YEATS2: variants seen among roughly 807,000 people sequenced by gnomAD.
YEATS2 encodes the protein YEATS domain-containing protein 2.
YEATS2 carries 77 observed loss-of-function variants against 163.2 expected under a neutral mutation model. The ratio of observed to expected loss-of-function variants is 0.47; its 90% confidence interval spans 0.39 to 0.57. YEATS2 has a LOEUF of 0.57. Among genes scored for constraint, YEATS2 ranks in the 20% least tolerant of loss-of-function variants. The pLI, the probability that YEATS2 is intolerant of heterozygous loss-of-function variation, is 0.00. For synonymous variants in YEATS2, 631 were observed against 645.1 expected (o/e 0.98, Z 0.33); for missense variants, 1,549 against 1,729.8 (o/e 0.90, Z 1.85).
intron 28 of YEATS2, 101 bp downstream of exon 28, chr3:183,807,193 A>G: frequency 3.7e-6 from 4 of 1,075,792 alleles, no homozygotes; most frequent in Non-Finnish European, 5.4e-6. Flanking sequence ...TCAGCCTCAC[A>G]GACACAGACT....
intron 25 of YEATS2, chr3:183,802,519 A>ATATATATATACACGTG (rs1445504854): frequency 1.6e-5 from 1 of 62,358 alleles, no homozygotes; most frequent in African/African-American, 4.5e-5. Flanking sequence ...GTATACATGT[A>ATATATATATACACGTG]TATATATATA....
intron 9 of YEATS2, among the ~76,000 whole-genome samples, chr3:183,751,531 A>G (rs1237099890): frequency 6.6e-6 from 1 of 152,234 alleles, no homozygotes; most frequent in Non-Finnish European, 1.5e-5. Flanking sequence ...GGTGCTGGGA[A>G]TACAGAAATG....
At chr3:183,710,589 C>T (rs952529333) in intron 1 of YEATS2, among the ~76,000 whole-genome samples, 8 of 152,166 alleles carry the variant, frequency 5.3e-5, no homozygotes, top group African/African-American at 1.9e-4. Context: ...ATCTTGGCAG[C>T]ACAAATGAAC....
chr3:183,725,064 T>TTA (rs1553861058), intron 6 of YEATS2, among the ~76,000 whole-genome samples: 7 of 132,598 alleles, frequency 5.3e-5, no homozygotes, highest in Non-Finnish European at 1.1e-4. Flanking sequence ...TTTTTTTTTT[T>TTA]ATCGTTTTAT....
rs1227991605 is a variant in YEATS2, at chr3:183,748,243, C to CTCCCCT, written c.969+534_969+539dup. 1.3e-3 allele frequency among the ~76,000 whole-genome samples: 193 copies of CTCCCCT among 149,736 alleles called. 1 individual carries two copies. Among genetic ancestry groups the CTCCCCT allele is most frequent in the African/African-American group, 4.2e-3 (170 of 40,698 alleles). ...TTCCCTTTCCCCTTCCCCTTGTCCC[C>CTCCCCT]TCCCCTTCCCCTCCTTTTTTTTTTT... On this transcript the variant is annotated intron_variant, in intron 9 of 30. Transcript: ENST00000305135.
chr3:183,763,470 T>C (rs940609678), intron 15 of YEATS2, among the ~76,000 whole-genome samples: 2 of 152,226 alleles, frequency 1.3e-5, no homozygotes, highest in South Asian at 4.1e-4. Flanking sequence ...GGTATCAATA[T>C]TGAGTGCTTT....
chr3:183,716,733 A>G (rs1489970280), intron 2 of YEATS2, among the ~76,000 whole-genome samples: 3 of 152,098 alleles, frequency 2.0e-5, no homozygotes, highest in Admixed American at 2.0e-4. Context: ...AAGTTCCAAA[A>G]TACCCCCTTT....
intron 15 of YEATS2, among the ~76,000 whole-genome samples, chr3:183,763,804 C>G (rs1030587201): frequency 6.6e-6 from 1 of 152,012 alleles, no homozygotes; most frequent in Non-Finnish European, 1.5e-5. Flanking sequence ...GTGGCTCACA[C>G]CTGTGAGCCA....
intron 20 of YEATS2, among the ~76,000 whole-genome samples, chr3:183,789,894 T>A (rs1056729660): frequency 1.2e-4 from 18 of 152,156 alleles, no homozygotes; most frequent in African/African-American, 4.1e-4. Context: ...TATTCTTTTT[T>A]ATGTAAATAT....
intron 14 of YEATS2, 145 bp from the exon 15 acceptor site, chr3:183,761,951 AT>A: frequency 9.1e-7 from 1 of 1,104,152 alleles, no homozygotes; most frequent in Non-Finnish European, 1.3e-6. Flanking sequence ...CAGTATGTAT[AT>A]TTACCCTTCT....
In YEATS2 at chr3:183,772,359, GC is replaced by G. The variant is rs1722561996; in HGVS notation, c.2003del (p.Ala668GlyfsTer9). ...ACCTTCAACAGTGAAGCAGGCTGTG[GC>G]GATCAGTGGTGGCCAGATCCTGGTA... ...ALPSTVKQAV[A>X]ISGGQILVAK... On this transcript the variant is annotated frameshift_variant, in exon 16 of 31. Transcript: ENST00000305135. LOFTEE classifies it high-confidence loss of function. 2 of 1,614,084 alleles carry G rather than the reference GC, an allele frequency of 1.2e-6. No individual in the cohort carries two copies. The highest frequency in any genetic ancestry group is 1.7e-6 in the Non-Finnish European group (2 of 1,180,054).
Position 183,752,074 on chromosome 3 carries a change from T to C in YEATS2, c.971T>C (p.Val324Ala), listed in dbSNP as rs1157365370. The part of the protein sequence containing the change: ...TGLQTLGAET[V>A]VDVELHRHSL... ...CCTGATTGTTGCCCAATTGTCTAGG[T>C]AGTGGATGTTGAACTCCATCGCCAT... The change falls in exon 10 of 31, where the codon GTA (valine) becomes GCA (alanine). Residue 324 changes from valine to alanine, a missense_variant and splice_region_variant. Coordinates refer to ENST00000305135, the MANE Select transcript of YEATS2 (RefSeq NM_018023.5). The C allele has an allele frequency of 6.2e-7, 1 of 1,614,034 alleles. No homozygotes were observed. The highest frequency in any genetic ancestry group is 1.1e-5 in the South Asian group (1 of 91,072).
intron 15 of YEATS2, among the ~76,000 whole-genome samples, chr3:183,765,980 G>A (rs890533735): frequency 6.6e-6 from 1 of 151,954 alleles, no homozygotes; most frequent in Non-Finnish European, 1.5e-5. Flanking sequence ...GGAAACAGGA[G>A]GGTGGCAAAA....
At chr3:183,741,460 C>T (rs1718952968) in intron 8 of YEATS2, among the ~76,000 whole-genome samples, 2 of 152,132 alleles carry the variant, frequency 1.3e-5, no homozygotes, top group African/African-American at 4.8e-5. Flanking sequence ...TATTGTTGCT[C>T]ATTGATAATT....
intron 1 of YEATS2, among the ~76,000 whole-genome samples, chr3:183,707,292 C>G (rs1178747355): frequency 6.6e-6 from 1 of 152,180 alleles, no homozygotes; most frequent in African/African-American, 2.4e-5. Context: ...ATTAATTTGT[C>G]TCTTCTAGAA....
chr3:183,806,438 C>CATA (rs1428328467), intron 27 of YEATS2: 8 of 456,942 alleles, frequency 1.8e-5, no homozygotes, highest in Admixed American at 7.0e-5. Context: ...AGACTGGACC[C>CATA]ATAATATACA....
intron 5 of YEATS2, 67 bp from the exon 6 acceptor site, chr3:183,724,352 T>A (rs1716843444): frequency 3.4e-6 from 4 of 1,179,370 alleles, no homozygotes; most frequent in African/African-American, 1.6e-5. Flanking sequence ...TTTTTACAAT[T>A]TTGTGGTTTC....
chr3:183,753,163 T>C (rs1720362428), intron 10 of YEATS2, among the ~76,000 whole-genome samples: 1 of 152,162 alleles, frequency 6.6e-6, no homozygotes, highest in Non-Finnish European at 1.5e-5. Flanking sequence ...ATGGTTCAGC[T>C]TCTGATTGTG....
intron 14 of YEATS2, among the ~76,000 whole-genome samples, 183 bp downstream of exon 14, chr3:183,761,797 T>C (rs1316015829): frequency 6.6e-6 from 1 of 152,174 alleles, no homozygotes; most frequent in Non-Finnish European, 1.5e-5. Flanking sequence ...AAGATGGGGA[T>C]TCATGGAGCA....
Sources: gnomAD v4.1 joint callset for allele counts (sites outside exome capture counted in the v4.1 genomes callset) on GRCh38, gnomAD v4.1.1 for gene constraint, MANE v1.5 for transcripts, NCBI Gene and HGNC (gene_info 2026-07-23, HGNC 2026-07-21) for gene names.